The following CDYL2 variants were observed in gnomAD, a reference collection of about 807,000 sequenced individuals.
CDYL2 encodes chromodomain Y like 2, also known as chromodomain Y-like protein 2.
CDYL2 carries 23 observed loss-of-function variants against 49.4 expected under a neutral mutation model. The observed-to-expected ratio is 0.47, with a 90% CI of 0.34 to 0.66. CDYL2 has a LOEUF of 0.66. CDYL2 is among the 30% of genes least tolerant of loss of function. CDYL2 has a pLI of 0.01. For synonymous variants in CDYL2, 360 were observed against 268.8 expected, an observed-to-expected ratio of 1.34 and a Z score of -3.32; for missense variants, 678 against 656.4, an observed-to-expected ratio of 1.03 and a Z score of -0.36.
intron 3 of CDYL2, among the ~76,000 whole-genome samples, chr16:80,624,758 A>T (rs1907230268): frequency 6.6e-6 from 1 of 152,238 alleles, no homozygotes; most frequent in Admixed American, 6.5e-5. Context: ...ATATGGGGAA[A>T]AAATAGATTT....
intron 2 of CDYL2, among the ~76,000 whole-genome samples, chr16:80,674,066 G>C (rs930241799): frequency 1.3e-5 from 2 of 152,170 alleles, no homozygotes; most frequent in Non-Finnish European, 2.9e-5. Context: ...AACTATAAGG[G>C]AAGAAGGTGG....
At chr16:80,784,023 G>C (rs1392502700) in intron 1 of CDYL2, among the ~76,000 whole-genome samples, 2 of 152,096 alleles carry the variant, frequency 1.3e-5, no homozygotes, top group Non-Finnish European at 2.9e-5. Flanking sequence ...CATTTGAAAT[G>C]ATTAAAATGG....
At chr16:80,617,053 T>C (rs1906863968) in intron 4 of CDYL2, among the ~76,000 whole-genome samples, 1 of 152,212 alleles carries the variant, frequency 6.6e-6, no homozygotes, top group African/African-American at 2.4e-5. Flanking sequence ...CAAGCCACCT[T>C]GTCACCTATG....
At chr16:80,765,480 A>C (rs1906688479) in intron 1 of CDYL2, among the ~76,000 whole-genome samples, 1 of 151,950 alleles carries the variant, frequency 6.6e-6, no homozygotes, top group South Asian at 2.1e-4. Flanking sequence ...CCCCCAATTA[A>C]AAAATGATAG....
chr16:80,787,569 G>A (rs1037217064), intron 1 of CDYL2, among the ~76,000 whole-genome samples: 4 of 152,008 alleles, frequency 2.6e-5, no homozygotes, highest in African/African-American at 9.7e-5. Context: ...GAAACACCTA[G>A]GACAGATATA....
intron 4 of CDYL2, among the ~76,000 whole-genome samples, chr16:80,614,492 A>G (rs962047112): frequency 1.3e-5 from 2 of 152,244 alleles, no homozygotes; most frequent in African/African-American, 4.8e-5. Context: ...TGATGGTGAC[A>G]TCTATTTTAG....
chr16:80,655,136 G>A (rs1268680994), intron 2 of CDYL2, among the ~76,000 whole-genome samples: 1 of 152,210 alleles, frequency 6.6e-6, no homozygotes, highest in Non-Finnish European at 1.5e-5. Flanking sequence ...CCTTTTCTGA[G>A]CAGCTCTAAG....
intron 4 of CDYL2, among the ~76,000 whole-genome samples, chr16:80,615,676 G>C (rs950758430): frequency 1.3e-5 from 2 of 152,080 alleles, no homozygotes; most frequent in East Asian, 1.9e-4. Context: ...CAGGACCCCA[G>C]AGCCTTTCAT....
chr16:80,804,386 C>G lies in CDYL2; in HGVS notation c.-213G>C, dbSNP rs930582193. ...CGGGCGGCGGCGGGGCTGGCGTAAC[C>G]GGCAGCAGCGGCGGCGGCGGCGGCG... On this transcript the variant is annotated 5_prime_UTR_variant, in exon 1 of 7. Transcript: ENST00000570137. The G allele has an allele frequency of 5.3e-6, 1 of 188,170 alleles. No homozygotes were observed. Among genetic ancestry groups the G allele is most frequent in the Non-Finnish European group, 1.0e-5 (1 of 99,540 alleles). The allele number at this position is 188,170 out of a possible 1,614,324, so 11.7% of individuals were successfully genotyped here. A position where few individuals can be genotyped will look rare whatever the true frequency, so the allele number is the denominator to read the frequency against.
rs185726327 is a variant in CDYL2, at chr16:80,765,816, G to T, written c.24+38334C>A. Among the ~76,000 whole-genome samples the T allele has an allele frequency of 2.0e-4, 28 of 139,178 alleles. No individual in the cohort carries two copies. The South Asian group carries it at 3.6e-3, about 18-fold the overall frequency. The allele number at this position is 139,178 out of a possible 152,430, so 91.3% of individuals were successfully genotyped here. On this transcript the variant is annotated intron_variant, in intron 1 of 6. Coordinates refer to ENST00000570137, the MANE Select transcript of CDYL2 (RefSeq NM_152342.4). Reference sequence around the variant, plus strand: ...GGCTACCTGGGAGGCTGAGGTGGGAGGATCTCTTGAGCCCAGGAGTTTGAG... The same window carrying T: ...GGCTACCTGGGAGGCTGAGGTGGGATGATCTCTTGAGCCCAGGAGTTTGAG...
chr16:80,765,725 T>G, intron 1 of CDYL2, among the ~76,000 whole-genome samples: 1 of 87,548 alleles, frequency 1.1e-5, no homozygotes, highest in Non-Finnish European at 2.0e-5. Flanking sequence ...GGAGTATTAA[T>G]CGCAAAAAAA....
chr16:80,671,054 C>G (rs988525231), intron 2 of CDYL2: 1 of 452,700 alleles, frequency 2.2e-6, no homozygotes, highest in Non-Finnish European at 4.5e-6. Context: ...CATCCCTGAC[C>G]CCAGTGGAGG....
At chr16:80,652,777 C>G (rs936816173) in intron 2 of CDYL2, among the ~76,000 whole-genome samples, 2 of 152,134 alleles carry the variant, frequency 1.3e-5, no homozygotes, top group African/African-American at 4.8e-5. Flanking sequence ...CTCCCAAAAA[C>G]TCACAACACC....
intron 2 of CDYL2, among the ~76,000 whole-genome samples, chr16:80,667,849 T>C (rs375653093): frequency 4.6e-5 from 7 of 152,210 alleles, no homozygotes; most frequent in African/African-American, 1.7e-4. Context: ...TATGAATATC[T>C]GCATCTTATA....
At chr16:80,656,783 A>G (rs955804198) in intron 2 of CDYL2, among the ~76,000 whole-genome samples, 2 of 152,186 alleles carry the variant, frequency 1.3e-5, no homozygotes, top group Non-Finnish European at 2.9e-5. Context: ...GAGAGGCACA[A>G]CACTGACACA....
chr16:80,634,020 A>G lies in CDYL2; in HGVS notation c.617-784T>C, dbSNP rs375832144. 8.3e-4 allele frequency among the ~76,000 whole-genome samples: 126 copies of G among 152,246 alleles called. 1 individual carries two copies. The highest frequency in any genetic ancestry group is 2.6e-3 in the African/African-American group (108 of 41,538). ...CCAACACCCCCAAACCTCCATCGGAAGCAGATATAGGAAGAGGCTCAAATG... is the reference window on the plus strand; with the variant it reads ...CCAACACCCCCAAACCTCCATCGGAGGCAGATATAGGAAGAGGCTCAAATG... On this transcript the variant is annotated intron_variant, in intron 2 of 6. Coordinates refer to ENST00000570137, the MANE Select transcript of CDYL2 (RefSeq NM_152342.4).
chr16:80,604,255 A>G lies in CDYL2; in HGVS notation c.*133T>C. ...CAAACCAAGGAGGAGCAACCAAAGG[A>G]CACGAGGAAATGGACACAACCCTAC... On this transcript the variant is annotated 3_prime_UTR_variant, in exon 7 of 7. Coordinates refer to ENST00000570137, the MANE Select transcript of CDYL2 (RefSeq NM_152342.4). The G allele has an allele frequency of 1.0e-6, 1 of 988,662 alleles. No homozygotes were observed. Among genetic ancestry groups the G allele is most frequent in the Admixed American group, 2.3e-5 (1 of 44,308 alleles). 61.2% of individuals were successfully genotyped at this position (988,662 alleles called of 1,614,324 possible).
chr16:80,778,540 T>A (rs1324666027), intron 1 of CDYL2, among the ~76,000 whole-genome samples: 3 of 151,994 alleles, frequency 2.0e-5, no homozygotes, highest in Non-Finnish European at 2.9e-5. Context: ...AGGATCTGTA[T>A]CAAGAAAACT....
intron 1 of CDYL2, among the ~76,000 whole-genome samples, chr16:80,743,243 T>C (rs1905810139): frequency 6.6e-6 from 1 of 152,230 alleles, no homozygotes; most frequent in African/African-American, 2.4e-5. Flanking sequence ...CCAATACTTC[T>C]GCTCCCAGAA....
Sources: gnomAD v4.1 joint callset for allele counts (sites outside exome capture counted in the v4.1 genomes callset) on GRCh38, gnomAD v4.1.1 for gene constraint, MANE v1.5 for transcripts, NCBI Gene and HGNC (gene_info 2026-07-23, HGNC 2026-07-21) for gene names.